Variants in AIFM3 observed in about 807,000 individuals in gnomAD.
AIFM3 encodes apoptosis-inducing factor 3.
In AIFM3, 71 loss-of-function variants were observed where a neutral mutation model predicts 82.7. The ratio of observed to expected loss-of-function variants is 0.86; its 90% CI spans 0.71 to 1.05. The LOEUF (loss-of-function observed/expected upper bound fraction) is 1.05. AIFM3 is among the 50% of genes least tolerant of loss of function. The probability of loss-of-function intolerance (pLI) is 0.00; values close to 1 mark genes in which losing one functional copy is unlikely to be tolerated. For synonymous variants in AIFM3, 337 were observed against 329.1 expected (o/e 1.02, Z -0.26); for missense variants, 748 against 816.7 (o/e 0.92, Z 1.03).
In AIFM3 at chr22:20,976,878, C is replaced by CAA. The variant is rs1923715598; in HGVS notation, c.1159_1160dup (p.Asn387LysfsTer4). On this transcript the variant is annotated frameshift_variant, in exon 13 of 21. Coordinates refer to ENST00000440238, the MANE Select transcript of AIFM3 (RefSeq NM_001386814.1). LOFTEE classifies it high-confidence loss of function. ...ACTTGCCCTGACAGATGTTTGAGAA[C>CAA]AACCGGGTGAAGTTCTACATGCAGA... 1 of 1,602,540 alleles carries CAA rather than the reference C, an allele frequency of 6.2e-7. No homozygotes were observed. The highest frequency in any genetic ancestry group is 1.7e-5 in the Admixed American group (1 of 59,346).
In AIFM3 at chr22:20,977,728, G is replaced by A. The variant is rs761818488; in HGVS notation, c.1311G>A (p.Arg437=). 4.7e-5 allele frequency: 76 copies of A among 1,614,070 alleles called. No homozygotes were observed. The highest frequency in any genetic ancestry group is 6.4e-5 in the Non-Finnish European group (76 of 1,180,040). ...CAGTGCCCGCCACAGGCTTCCTGAGGCAAAGCGGCATCGGTTTGGATTCCC... is the reference window on the plus strand; with the variant it reads ...CAGTGCCCGCCACAGGCTTCCTGAGACAAAGCGGCATCGGTTTGGATTCCC... ...IGAVPATGFL[R]QSGIGLDSRG... The change falls in exon 15 of 21, where the codon AGG becomes AGA. Residue 437 remains arginine, a synonymous_variant. Coordinates refer to ENST00000440238, the MANE Select transcript of AIFM3 (RefSeq NM_001386814.1).
Position 20,974,633 on chromosome 22 carries a change from G to A in AIFM3, c.607+12G>A, listed in dbSNP as rs749621144. The A allele has an allele frequency of 6.2e-7, 1 of 1,613,454 alleles. No homozygotes were observed. The highest frequency in any genetic ancestry group is 8.5e-7 in the Non-Finnish European group (1 of 1,179,778). ...CATTGTGGGTGCAGGTTGGTAGTGG[G>A]GTCATGAGGGGCAGGGTGGGAGATG... On this transcript the variant is annotated intron_variant, in intron 7 of 20. Transcript: ENST00000440238.
chr22:20,977,206 T>G (rs1230546714), intron 14 of AIFM3, 111 bp downstream of exon 14: 2 of 1,456,912 alleles, frequency 1.4e-6, no homozygotes, highest in African/African-American at 1.5e-5. Context: ...TTCCACCACA[T>G]CTGTCAAATG....
chr22:20,978,038 G>A, intron 16 of AIFM3, 33 bp downstream of exon 16: 1 of 1,605,060 alleles, frequency 6.2e-7, no homozygotes, highest in Non-Finnish European at 8.5e-7. Context: ...TGGAGGGGTG[G>A]GAGGGAGTCT....
At chr22:20,977,481 T>A in intron 14 of AIFM3, 1 of 622,574 alleles carries the variant, frequency 1.6e-6, no homozygotes, top group South Asian at 1.9e-5. Context: ...AAGGGCCTCA[T>A]GGAGCACTTC....
At chr22:20,980,938 G>C (rs1924072295) in intron 20 of AIFM3, 54 bp from the exon 21 acceptor site, 1 of 1,613,760 alleles carries the variant, frequency 6.2e-7, no homozygotes, top group Non-Finnish European at 8.5e-7. Context: ...AGGGTGCCCA[G>C]AGTGGAGAGC....
intron 8 of AIFM3, among the ~76,000 whole-genome samples, chr22:20,975,197 G>A (rs776559123): frequency 6.0e-5 from 9 of 151,258 alleles, no homozygotes; most frequent in Non-Finnish European, 1.2e-4. Flanking sequence ...GAACTCCTGA[G>A]CTCAGCCCAT....
chr22:20,975,024 G>A (rs899328163), intron 8 of AIFM3, among the ~76,000 whole-genome samples: 3 of 152,122 alleles, frequency 2.0e-5, no homozygotes, highest in Non-Finnish European at 2.9e-5. Flanking sequence ...ATGCAGTGGC[G>A]CCTTCTCGGC....
In AIFM3 at chr22:20,976,871, T is replaced by G. The variant is rs1356662475; in HGVS notation, c.1151T>G (p.Phe384Cys). The G allele has an allele frequency of 6.2e-7, 1 of 1,601,182 alleles. No individual in the cohort carries two copies. The highest frequency in any genetic ancestry group is 1.7e-5 in the Admixed American group (1 of 59,218). ...ERVGRALMKM[F>C]ENNRVKFYMQ... ...CCTGCCCACTTGCCCTGACAGATGT[T>G]TGAGAACAACCGGGTGAAGTTCTAC... The change falls in exon 13 of 21, where the codon TTT becomes TGT. Residue 384 changes from phenylalanine (F) to cysteine (C), a missense_variant. Around this residue, in one of 5 missense-constraint regions of AIFM3, gnomAD observed 393 missense variants for 481.1 expected, o/e 0.82. Transcript: ENST00000440238.
intron 19 of AIFM3, 97 bp from the exon 20 acceptor site, chr22:20,980,650 T>G: frequency 6.4e-7 from 1 of 1,553,044 alleles, no homozygotes; most frequent in African/African-American, 1.4e-5. Flanking sequence ...AGGGGCAGGC[T>G]TCAGGCTGGA....
chr22:20,967,436 G>A (rs1922960120), intron 1 of AIFM3, 133 bp downstream of exon 1: 2 of 159,274 alleles, frequency 1.3e-5, no homozygotes, highest in African/African-American at 4.8e-5. Flanking sequence ...TTTGAGCCTA[G>A]GCATAGTGGT....
At chr22:20,971,969 G>A (rs536725655) in intron 2 of AIFM3, among the ~76,000 whole-genome samples, 2 of 145,858 alleles carry the variant, frequency 1.4e-5, no homozygotes, top group African/African-American at 2.8e-5. Context: ...GAGGCTGTGG[G>A]GGGGGGGGGC....
intron 1 of AIFM3, 28 bp from the exon 2 acceptor site, chr22:20,967,777 G>A: frequency 1.5e-6 from 1 of 686,884 alleles, no homozygotes. Flanking sequence ...ACACGCCCCG[G>A]TCCTGATGGC....
At chr22:20,968,631 A>G (rs945809465) in intron 2 of AIFM3, among the ~76,000 whole-genome samples, 1 of 151,550 alleles carries the variant, frequency 6.6e-6, no homozygotes, top group African/African-American at 2.4e-5. Flanking sequence ...TCCACTAAAG[A>G]CTCATGTCTG....
Position 20,973,746 on chromosome 22 carries a change from G to A in AIFM3, c.246-12G>A, listed in dbSNP as rs1391405484. ...GTGTCTGGCCTGACCTCTGAGTGCT[G>A]CGGTTCCCCAGGATGCGGGAAGTGG... On this transcript the variant is annotated splice_polypyrimidine_tract_variant and intron_variant, in intron 3 of 20. Transcript: ENST00000440238. 1 of 1,537,126 alleles carries A rather than the reference G, an allele frequency of 6.5e-7. No homozygotes were observed. The highest frequency in any genetic ancestry group is 1.4e-5 in the African/African-American group (1 of 73,396).
chr22:20,980,724 T>C, intron 19 of AIFM3, 23 bp from the exon 20 acceptor site: 1 of 1,614,116 alleles, frequency 6.2e-7, no homozygotes, highest in Non-Finnish European at 8.5e-7. Flanking sequence ...TTCTCTCCGT[T>C]TCTCTCTCTT....
intron 19 of AIFM3, 99 bp downstream of exon 19, chr22:20,980,223 C>A: frequency 9.3e-7 from 1 of 1,080,168 alleles, no homozygotes. Context: ...CCTCCAGGGC[C>A]TTTCCCCTCT....
In AIFM3 at chr22:20,973,384, C is replaced by A. The variant is rs1413586933; in HGVS notation, c.109C>A (p.Pro37Thr). 1.2e-6 allele frequency: 2 copies of A among 1,611,150 alleles called. No homozygotes were observed. Among genetic ancestry groups the A allele is most frequent in the South Asian group, 1.1e-5 (1 of 90,638 alleles). Residue 37 changes from proline to threonine, a missense_variant, in exon 3 of 21, where the codon CCC becomes ACC. Physicochemically the swap from Pro to Thr is conservative, Grantham distance 38. Transcript: ENST00000440238. Reference protein sequence around the residue: ...EELSASGKGSPRAYQGNGTAR... With the variant: ...EELSASGKGSTRAYQGNGTAR... ...GCTGTCGGCCAGTGGGAAGGGCAGCCCCCGGGCCTACCAGGGCAATGGCAC... is the reference window on the plus strand; with the variant it reads ...GCTGTCGGCCAGTGGGAAGGGCAGCACCCGGGCCTACCAGGGCAATGGCAC...
chr22:20,980,898 C>T, intron 20 of AIFM3, 94 bp from the exon 21 acceptor site: 5 of 1,607,472 alleles, frequency 3.1e-6, no homozygotes, highest in South Asian at 1.1e-5. Flanking sequence ...ACAGAACAGA[C>T]CCCCTGCTGT....
Sources: gnomAD v4.1 joint callset for allele counts (sites outside exome capture counted in the v4.1 genomes callset) on GRCh38, gnomAD v4.1.1 for gene constraint, gnomAD v4.1.1 regional missense constraint, MANE v1.5 for transcripts, NCBI Gene and HGNC (gene_info 2026-07-23, HGNC 2026-07-21) for gene names.